Variants in SHANK2 observed in about 807,000 individuals in gnomAD.
SHANK2 encodes SH3 and multiple ankyrin repeat domains 2, also known as SH3 and multiple ankyrin repeat domains protein 2.
A neutral mutation model predicts 133.7 loss-of-function variants in SHANK2; 43 were observed. That is an observed-to-expected ratio of 0.32 (90% CI 0.25 to 0.41). SHANK2 has a LOEUF of 0.41. SHANK2 is among the 10% of genes least tolerant of loss of function. SHANK2 has a pLI of 1.00. For missense variants in SHANK2, 1,994 were observed against 2,235.8 expected (o/e 0.89, Z 2.18); for synonymous variants, 1,017 against 952.8 (o/e 1.07, Z -1.24).
At chr11:70,747,489 G>C (rs953610223) in intron 14 of SHANK2, among the ~76,000 whole-genome samples, 1 of 152,340 alleles carries the variant, frequency 6.6e-6, no homozygotes, top group Admixed American at 6.5e-5. Flanking sequence ...GGACAGCTGA[G>C]TAACTGAAGA....
chr11:70,760,578 C>T (rs782329128), intron 14 of SHANK2, among the ~76,000 whole-genome samples: 29 of 152,364 alleles, frequency 1.9e-4, no homozygotes, highest in Non-Finnish European at 3.7e-4. Flanking sequence ...AGGACGCATA[C>T]TGGTCATGGG....
chr11:70,813,130 G>A (rs1170019924), intron 12 of SHANK2, among the ~76,000 whole-genome samples: 1 of 152,094 alleles, frequency 6.6e-6, no homozygotes, highest in Non-Finnish European at 1.5e-5. Flanking sequence ...AGGCCTCAGG[G>A]AGCTGACGGT....
intron 12 of SHANK2, among the ~76,000 whole-genome samples, chr11:70,818,253 A>G (rs1433458611): frequency 6.6e-6 from 1 of 152,192 alleles, no homozygotes; most frequent in Non-Finnish European, 1.5e-5. Flanking sequence ...CACACAGGCA[A>G]ATGCACACAG....
chr11:71,133,232 AGATGAATG>A (rs1234088264), intron 3 of SHANK2, among the ~76,000 whole-genome samples: 1 of 107,230 alleles, frequency 9.3e-6, no homozygotes, highest in Admixed American at 8.5e-5. Context: ...GTGGATGCAC[AGATGAATG>A]GATGGATGGA....
rs563412007 is a variant in SHANK2 at position 70,713,388 on chromosome 11, C to T, written c.1778-14625G>A. The stretch of plus-strand genomic sequence containing the variant: ...GAACACGGGTTACAGTACTGACTTG[C>T]CACTTTACGAAGCAGTCTTTTTGCC... On this transcript the variant is annotated intron_variant, in intron 14 of 25. Coordinates refer to ENST00000601538, the MANE Select transcript of SHANK2 (RefSeq NM_012309.5). Among the ~76,000 whole-genome samples the T allele has an allele frequency of 2.0e-5, 3 of 152,372 alleles. No individual in the cohort carries two copies. The South Asian group carries it at 6.2e-4, about 32-fold the overall frequency.
chr11:71,094,059 G>GA (rs1951563564), intron 7 of SHANK2, among the ~76,000 whole-genome samples: 1 of 152,078 alleles, frequency 6.6e-6, no homozygotes, highest in South Asian at 2.1e-4. Context: ...GTGCTGGGGG[G>GA]ATCTACCATG....
rs1028493333 is a variant in SHANK2 at position 70,798,436 on chromosome 11, G to A, written c.1777+7C>T. ...CGAGGGTGGGCGGCCACGAGCGCTCGCCTTACCTGCCTGGCTGTCCCTGGG... is the reference window on the plus strand; with the variant it reads ...CGAGGGTGGGCGGCCACGAGCGCTCACCTTACCTGCCTGGCTGTCCCTGGG... On this transcript the variant is annotated splice_region_variant and intron_variant, in intron 14 of 25. Coordinates refer to ENST00000601538, the MANE Select transcript of SHANK2 (RefSeq NM_012309.5). 10 of 717,724 alleles carry A rather than the reference G, an allele frequency of 1.4e-5. No homozygotes were observed. The highest frequency in any genetic ancestry group is 3.5e-5 in the African/African-American group (2 of 57,236). The allele number at this position is 717,724 out of a possible 1,614,324, so 44.5% of individuals were successfully genotyped here.
intron 17 of SHANK2, among the ~76,000 whole-genome samples, chr11:70,617,171 T>C (rs2060756837): frequency 6.6e-6 from 1 of 151,366 alleles, no homozygotes; most frequent in Non-Finnish European, 1.5e-5. Flanking sequence ...GAGCTGTCTG[T>C]GTGTGTGTGT....
At chr11:71,148,892 C>T (rs539235036) in intron 2 of SHANK2, among the ~76,000 whole-genome samples, 5 of 152,236 alleles carry the variant, frequency 3.3e-5, no homozygotes, top group South Asian at 2.1e-4. Flanking sequence ...GCATTTTCAC[C>T]GTGCGTAACG....
chr11:70,606,102 G>T (rs1201538400), intron 17 of SHANK2, among the ~76,000 whole-genome samples: 1 of 152,098 alleles, frequency 6.6e-6, no homozygotes, highest in Non-Finnish European at 1.5e-5. Context: ...GTGCATGGCA[G>T]GGGGGCAGCT....
rs181570344 is a variant in SHANK2, at chr11:70,496,162, T to G, written c.2309-3697A>C. The stretch of plus-strand genomic sequence containing the variant: ...GTGTGGGAAGGCTGTGGCCAGGCTC[T>G]GCTGTGCTGTTGGCCATGTCTGGGC... On this transcript the variant is annotated intron_variant, in intron 21 of 25. Coordinates refer to ENST00000601538, the MANE Select transcript of SHANK2 (RefSeq NM_012309.5). Among the ~76,000 whole-genome samples the G allele has an allele frequency of 8.6e-3, 1,282 of 148,648 alleles. 19 individuals carry two copies. The highest frequency in any genetic ancestry group is 0.03 in the African/African-American group (1,233 of 41,234).
intron 1 of SHANK2, among the ~76,000 whole-genome samples, chr11:71,240,106 C>G (rs2135802797): frequency 6.6e-6 from 1 of 152,306 alleles, no homozygotes; most frequent in South Asian, 2.1e-4. Flanking sequence ...AGCTATTTAA[C>G]CAGGCTTGGT....
chr11:71,059,139 C>A (rs1950957528), intron 9 of SHANK2, among the ~76,000 whole-genome samples: 1 of 152,174 alleles, frequency 6.6e-6, no homozygotes, highest in African/African-American at 2.4e-5. Context: ...ATCACTTGAA[C>A]CTGGGAGGTG....
At chr11:70,714,933 G>T (rs1233319110) in intron 14 of SHANK2, among the ~76,000 whole-genome samples, 2 of 151,370 alleles carry the variant, frequency 1.3e-5, no homozygotes, top group African/African-American at 4.9e-5. Flanking sequence ...AGCCTCCCGA[G>T]TAGCTGAAAC....
rs566038656 is a variant in SHANK2 at position 70,640,835 on chromosome 11, C to G, written c.2061+18993G>C. ...AGTCAGGCAAGTCCACCTTGCAGAG[C>G]TCCTAGGAAGAATCGAGGCGACTGC... is the stretch of plus-strand genomic sequence containing the variant. On this transcript the variant is annotated intron_variant, in intron 17 of 25. Coordinates refer to ENST00000601538, the MANE Select transcript of SHANK2 (RefSeq NM_012309.5). Among the ~76,000 whole-genome samples the G allele has an allele frequency of 2.6e-5, 4 of 152,332 alleles. No individual in the cohort carries two copies. The South Asian group carries it at 8.3e-4, about 32-fold the overall frequency.
chr11:70,842,028 C>T (rs1400434329), intron 11 of SHANK2, among the ~76,000 whole-genome samples: 3 of 152,082 alleles, frequency 2.0e-5, no homozygotes, highest in African/African-American at 7.2e-5. Flanking sequence ...TCCTCCAGGA[C>T]AAGAGACCTT....
intron 17 of SHANK2, among the ~76,000 whole-genome samples, chr11:70,532,639 A>G (rs531078780): frequency 0.024 from 3,167 of 132,884 alleles, 107 homozygotes; most frequent in African/African-American, 0.086. Context: ...TTGTCCATGG[A>G]AAAAAAAAAA....
rs1417532879 is a variant in SHANK2, at chr11:71,092,352, T to A, written c.912+70A>T. 9 of 1,525,770 alleles carry A rather than the reference T, an allele frequency of 5.9e-6. No individual in the cohort carries two copies. In the African/African-American group the frequency reaches 1.2e-4, roughly 21 times the overall value. The allele number at this position is 1,525,770 out of a possible 1,614,324, so 94.5% of individuals were successfully genotyped here. On this transcript the variant is annotated intron_variant, in intron 8 of 25. Coordinates refer to ENST00000601538, the MANE Select transcript of SHANK2 (RefSeq NM_012309.5). ...TCTAACCTTTGGGCCACCCTGCTTA[T>A]CTGCGGGATCGGAGGAGAAGGGGAA... is the stretch of plus-strand genomic sequence containing the variant.
intron 17 of SHANK2, among the ~76,000 whole-genome samples, chr11:70,524,493 C>T (rs1185298790): frequency 2.0e-5 from 3 of 152,198 alleles, no homozygotes; most frequent in African/African-American, 7.2e-5. Flanking sequence ...TCCTTTGCTC[C>T]ACATTGATCT....
Sources: allele counts gnomAD v4.1 joint callset (sites outside exome capture counted in the v4.1 genomes callset), GRCh38; gene constraint gnomAD v4.1.1; transcripts MANE v1.5; gene names NCBI Gene and HGNC (gene_info 2026-07-23, HGNC 2026-07-21).